ZFPM1: variants seen among roughly 807,000 people sequenced by gnomAD.
The protein encoded by ZFPM1 is zinc finger protein, FOG family member 1.
A neutral mutation model predicts 46.3 loss-of-function variants in ZFPM1; 28 were observed. That is an observed-to-expected ratio of 0.60 (90% CI 0.45 to 0.83). The LOEUF is 0.83. Ranked by LOEUF, ZFPM1 falls within the 40% of genes least tolerant of loss-of-function variation. The pLI is 0.00. For synonymous variants in ZFPM1, 957 were observed against 675.9 expected (o/e 1.42, Z -6.45); for missense variants, 1,878 against 1,432.4 (o/e 1.31, Z -5.02).
Position 88,480,889 on chromosome 16 carries a change from C to T in ZFPM1, c.41-5050C>T, listed in dbSNP as rs1387826561. On this transcript the variant is annotated intron_variant, in intron 1 of 9. Transcript: ENST00000319555. This position sits in a 1 kb window ranked among gnomAD's most constrained non-coding sequence, Gnocchi z 4.9. ...AGTCGTTCAAAGGAGCCCCCCAGCGCCTCGCCATCAAAGCCGGGAGGGGCC... is the reference window on the plus strand; with the variant it reads ...AGTCGTTCAAAGGAGCCCCCCAGCGTCTCGCCATCAAAGCCGGGAGGGGCC... Among the ~76,000 whole-genome samples the T allele has an allele frequency of 1.3e-5, 2 of 152,276 alleles. No homozygotes were observed. Among genetic ancestry groups the T allele is most frequent in the Non-Finnish European group, 2.9e-5 (2 of 68,054 alleles).
chr16:88,467,889 A>C (rs1294550346), intron 1 of ZFPM1, among the ~76,000 whole-genome samples: 1 of 152,134 alleles, frequency 6.6e-6, no homozygotes, highest in Non-Finnish European at 1.5e-5. Flanking sequence ...AGGAGGTGCT[A>C]TCGCCGTTAT....
At position 88,528,275 on chromosome 16, in the gene ZFPM1, C is replaced by A. The variant is rs977538423; in HGVS notation, c.712+37C>A. ...GCTCTCCGCACCCAGGGCGGCTGCTCCACCAAGGAGGAGCAGGCAGGGCAG... is the reference window on the plus strand; with the variant it reads ...GCTCTCCGCACCCAGGGCGGCTGCTACACCAAGGAGGAGCAGGCAGGGCAG... On this transcript the variant is annotated intron_variant, in intron 6 of 9. Transcript: ENST00000319555. The A allele has an allele frequency of 1.4e-5, 21 of 1,552,812 alleles. No homozygotes were observed. In the East Asian group the frequency reaches 4.2e-4, roughly 31 times the overall value.
At chr16:88,453,084 G>A (rs1483776345), upstream of ZFPM1, among the ~76,000 whole-genome samples, 3 of 151,100 alleles carry the variant, frequency 2.0e-5, no homozygotes, top group East Asian at 5.9e-4. Flanking sequence ...AGGCGGGCGG[G>A]GGCGCGGTCG....
intron 1 of ZFPM1, among the ~76,000 whole-genome samples, chr16:88,463,053 C>G (rs914016271): frequency 1.3e-5 from 2 of 152,214 alleles, no homozygotes; most frequent in African/African-American, 4.8e-5. Context: ...CCACTTCCTT[C>G]TGGGCACCTG....
intron 4 of ZFPM1, among the ~76,000 whole-genome samples, chr16:88,517,354 G>C (rs975662851): frequency 1.4e-5 from 2 of 146,734 alleles, no homozygotes; most frequent in Non-Finnish European, 3.0e-5. Flanking sequence ...GGATGGATGG[G>C]TGGGTGGATA....
At chr16:88,499,034 T>TG (rs1910100720) in intron 3 of ZFPM1, among the ~76,000 whole-genome samples, 1 of 152,156 alleles carries the variant, frequency 6.6e-6, no homozygotes. Context: ...GGGTTGAGCT[T>TG]GGGGCCAGAG....
At chr16:88,529,731 G>A (rs1457888946) in intron 6 of ZFPM1, among the ~76,000 whole-genome samples, 1 of 152,226 alleles carries the variant, frequency 6.6e-6, no homozygotes, top group African/African-American at 2.4e-5. Context: ...CAACAGCAGA[G>A]AAATGACTAC....
rs1913193204 is a variant in ZFPM1 at position 88,535,170 on chromosome 16, T to G, written c.*191T>G. The G allele has an allele frequency of 1.6e-6, 1 of 619,574 alleles. No individual in the cohort carries two copies. Among genetic ancestry groups the G allele is most frequent in the African/African-American group, 1.9e-5 (1 of 51,956 alleles). 38.4% of individuals were successfully genotyped at this position (619,574 alleles called of 1,614,324 possible). A position where few individuals can be genotyped will look rare whatever the true frequency, so the allele number is the denominator to read the frequency against. On this transcript the variant is annotated 3_prime_UTR_variant, in exon 10 of 10. Coordinates refer to ENST00000319555, the MANE Select transcript of ZFPM1 (RefSeq NM_153813.3). ...AAGAAGTTCAGTTTGATGAGCATGG[T>G]GGTGGGCCAGCCTAGTTCTCTGAGC...
At chr16:88,463,502 C>T (rs775132884) in intron 1 of ZFPM1, among the ~76,000 whole-genome samples, 18 of 152,360 alleles carry the variant, frequency 1.2e-4, no homozygotes, top group Admixed American at 2.0e-4. Flanking sequence ...TTTACTAGGC[C>T]CCTGCCTCGC....
At chr16:88,467,350 G>C (rs1908182163) in intron 1 of ZFPM1, among the ~76,000 whole-genome samples, 1 of 152,148 alleles carries the variant, frequency 6.6e-6, no homozygotes, top group Admixed American at 6.5e-5. Flanking sequence ...TGTCAAATAG[G>C]GCCGACACCG....
In ZFPM1 at chr16:88,453,637, A is replaced by T. The variant is rs1907391975; in HGVS notation, c.-2A>T. On this transcript the variant is annotated 5_prime_UTR_variant, in exon 1 of 10. Coordinates refer to ENST00000319555, the MANE Select transcript of ZFPM1 (RefSeq NM_153813.3). Reference sequence around the variant, plus strand: ...GCCGGGAGGGCGCGCGGCGCCGGAGACATGTCCAGGCGGAAACAGAGCAAC... The same window carrying T: ...GCCGGGAGGGCGCGCGGCGCCGGAGTCATGTCCAGGCGGAAACAGAGCAAC... The T allele has an allele frequency of 4.3e-6, 5 of 1,156,054 alleles. No individual in the cohort carries two copies. The highest frequency in any genetic ancestry group is 1.6e-5 in the African/African-American group (1 of 60,682). The allele number at this position is 1,156,054 out of a possible 1,614,324, so 71.6% of individuals were successfully genotyped here. A position where few individuals can be genotyped will look rare whatever the true frequency, so the allele number is the denominator to read the frequency against.
At chr16:88,516,358 G>A in intron 4 of ZFPM1, 1 of 397,740 alleles carries the variant, frequency 2.5e-6, no homozygotes, top group Non-Finnish European at 4.4e-6. Flanking sequence ...TAGGGCACAG[G>A]CCATCCTGGG....
chr16:88,464,949 G>A (rs2142346715), intron 1 of ZFPM1, among the ~76,000 whole-genome samples: 1 of 152,226 alleles, frequency 6.6e-6, no homozygotes, highest in Admixed American at 6.5e-5. Flanking sequence ...AGATAAGAAT[G>A]GAAATTCTGA....
chr16:88,529,274 G>A (rs991889778), intron 6 of ZFPM1, among the ~76,000 whole-genome samples: 1 of 152,252 alleles, frequency 6.6e-6, no homozygotes. Context: ...GAACAGGGAC[G>A]GCACCGGATG....
chr16:88,487,300 C>A (rs1386309191), intron 2 of ZFPM1, among the ~76,000 whole-genome samples: 2 of 152,206 alleles, frequency 1.3e-5, no homozygotes, highest in Non-Finnish European at 2.9e-5. Flanking sequence ...CCACTTGCAG[C>A]CCCAGGCACC....
At chr16:88,465,664 T>G (rs1036812402) in intron 1 of ZFPM1, among the ~76,000 whole-genome samples, 3 of 152,172 alleles carry the variant, frequency 2.0e-5, no homozygotes, top group Non-Finnish European at 4.4e-5. Context: ...GGGGCTTGCC[T>G]GCATTGAGAA....
chr16:88,468,251 C>CT lies in ZFPM1; in HGVS notation c.40+14573_40+14574insT, dbSNP rs534952158. On this transcript the variant is annotated intron_variant, in intron 1 of 9. Transcript: ENST00000319555. ...TCAAGCACCCGCGAGCCCACCGTCC[C>CT]GACGCACCCGCGAGCCCACTGCCTG... 3.3e-3 allele frequency among the ~76,000 whole-genome samples: 487 copies of CT among 146,936 alleles called. 7 individuals carry two copies. Among genetic ancestry groups the CT allele is most frequent in the African/African-American group, 0.012 (453 of 39,266 alleles).
intron 4 of ZFPM1, among the ~76,000 whole-genome samples, chr16:88,523,983 G>A (rs919678271): frequency 1.3e-5 from 2 of 152,222 alleles, no homozygotes; most frequent in Non-Finnish European, 2.9e-5. Flanking sequence ...TGCGTGCAGC[G>A]TCAGCACAGT....
intron 2 of ZFPM1, among the ~76,000 whole-genome samples, chr16:88,487,569 AG>A (rs1349391489): frequency 6.6e-6 from 1 of 151,662 alleles, no homozygotes; most frequent in Non-Finnish European, 1.5e-5. Context: ...TCTGCAGCCG[AG>A]GGGCTGGGGT....
Sources: allele counts gnomAD v4.1 joint callset (sites outside exome capture counted in the v4.1 genomes callset), GRCh38; gene constraint gnomAD v4.1.1; non-coding constraint Gnocchi (gnomAD v3.1); transcripts MANE v1.5; gene names NCBI Gene and HGNC (gene_info 2026-07-23, HGNC 2026-07-21).